LRP12: variants seen among roughly 807,000 people sequenced by gnomAD.
The protein encoded by LRP12 is LDL receptor related protein 12, also known as low-density lipoprotein receptor-related protein 12.
Under a neutral mutation model 66.0 loss-of-function variants are expected in LRP12, and 14 were observed. The observed-to-expected ratio is 0.21, with a 90% confidence interval of 0.14 to 0.33. The LOEUF is 0.33. LRP12 is among the 10% of genes least tolerant of loss of function. The probability of loss-of-function intolerance (pLI) is 1.00; values close to 1 mark genes in which losing one functional copy is unlikely to be tolerated. For missense variants in LRP12, 889 were observed against 1,053.4 expected (o/e 0.84, Z 2.16); for synonymous variants, 357 against 359.1 (o/e 0.99, Z 0.07).
chr8:104,554,882 C>A (rs1811781475), intron 1 of LRP12, among the ~76,000 whole-genome samples: 1 of 152,142 alleles, frequency 6.6e-6, no homozygotes, highest in Non-Finnish European at 1.5e-5. Context: ...GCAAAAGCAT[C>A]AGGTAACCTA....
chr8:104,495,371 A>G (rs2140830091), intron 5 of LRP12, 162 bp from the exon 6 acceptor site: 1 of 649,064 alleles, frequency 1.5e-6, no homozygotes, highest in Non-Finnish European at 2.5e-6. Context: ...TTATCCCTAC[A>G]GTGGGAATAC....
At chr8:104,561,422 C>T (rs1332880629) in intron 1 of LRP12, among the ~76,000 whole-genome samples, 1 of 152,186 alleles carries the variant, frequency 6.6e-6, no homozygotes, top group Non-Finnish European at 1.5e-5. Flanking sequence ...GACCATATGT[C>T]TAATGCTTTC....
intron 1 of LRP12, among the ~76,000 whole-genome samples, chr8:104,538,640 A>C (rs1588496575): frequency 6.6e-6 from 1 of 152,268 alleles, no homozygotes; most frequent in Non-Finnish European, 1.5e-5. Flanking sequence ...GACATCACAC[A>C]TCATGGGCCT....
intron 6 of LRP12, among the ~76,000 whole-genome samples, chr8:104,494,772 C>A (rs1451343077): frequency 8.5e-5 from 13 of 152,092 alleles, no homozygotes; most frequent in African/African-American, 3.1e-4. Flanking sequence ...ATTCTTAAAT[C>A]TTGCAGATGT....
chr8:104,542,806 G>A (rs143470583), intron 1 of LRP12, among the ~76,000 whole-genome samples: 3 of 151,964 alleles, frequency 2.0e-5, no homozygotes, highest in Non-Finnish European at 4.4e-5. Flanking sequence ...AAAATCACAA[G>A]GAATAGAAAA....
Position 104,588,983 on chromosome 8 carries a change from C to CGCCGCCGCA in LRP12, c.-87_-86insTGCGGCGGC. The CGCCGCCGCA allele has an allele frequency of 1.2e-6, 1 of 813,444 alleles. No homozygotes were observed. The highest frequency in any genetic ancestry group is 1.9e-6 in the Non-Finnish European group (1 of 538,262). 50.4% of individuals were successfully genotyped at this position (813,444 alleles called of 1,614,324 possible). A position where few individuals can be genotyped will look rare whatever the true frequency, so the allele number is the denominator to read the frequency against. ...TAGACGACGCCGACGCCGCCGCCGC[C>CGCCGCCGCA]GCCGCCGCCGCCGCCGAGCCACCGG... On this transcript the variant is annotated 5_prime_UTR_variant, in exon 1 of 7. Transcript: ENST00000276654.
chr8:104,526,197 G>GAAATAA (rs1564136002), intron 2 of LRP12, among the ~76,000 whole-genome samples: 22 of 151,708 alleles, frequency 1.5e-4, no homozygotes, highest in African/African-American at 5.1e-4. Flanking sequence ...CAAACAAATG[G>GAAATAA]AAGAACATTC....
In LRP12 at chr8:104,573,699, T is replaced by C. The variant is rs150137804; in HGVS notation, c.79+15120A>G. Among the ~76,000 whole-genome samples the C allele has an allele frequency of 1.2e-3, 179 of 152,000 alleles. 1 individual carries two copies. Among genetic ancestry groups the C allele is most frequent in the African/African-American group, 4.0e-3 (167 of 41,446 alleles). On this transcript the variant is annotated intron_variant, in intron 1 of 6. Coordinates refer to ENST00000276654, the MANE Select transcript of LRP12 (RefSeq NM_013437.5). The stretch of plus-strand genomic sequence containing the variant: ...CTAATCTTAAAAGGCAAAATAATAA[T>C]AACTGGAACACTAGAATCTTTTATA...
intron 1 of LRP12, among the ~76,000 whole-genome samples, chr8:104,541,515 T>C (rs967277897): frequency 5.3e-5 from 8 of 152,216 alleles, no homozygotes; most frequent in Admixed American, 2.6e-4. Context: ...ATATTTTATA[T>C]CACGAACTTC....
chr8:104,587,335 G>A (rs913582261), intron 1 of LRP12, among the ~76,000 whole-genome samples: 5 of 152,102 alleles, frequency 3.3e-5, no homozygotes, highest in African/African-American at 7.2e-5. Context: ...AAGAAACAAC[G>A]TAATAGCTTA....
chr8:104,507,368 T>C (rs1810925354), intron 3 of LRP12: 1 of 152,230 alleles, frequency 6.6e-6, no homozygotes, highest in African/African-American at 2.4e-5. Context: ...ATTTCAGTAT[T>C]GTGCTTGGTT....
At chr8:104,515,080 A>G (rs1162616670) in intron 2 of LRP12, among the ~76,000 whole-genome samples, 1 of 152,206 alleles carries the variant, frequency 6.6e-6, no homozygotes, top group Admixed American at 6.5e-5. Flanking sequence ...CATGGGAAGG[A>G]TAGGGTTGGG....
At chr8:104,529,821 G>A (rs541454283) in intron 2 of LRP12, among the ~76,000 whole-genome samples, 2 of 152,268 alleles carry the variant, frequency 1.3e-5, no homozygotes, top group South Asian at 4.1e-4. Flanking sequence ...TAACCTTAAA[G>A]AAACTACCTC....
intron 1 of LRP12, among the ~76,000 whole-genome samples, chr8:104,587,170 T>G (rs113867628): frequency 4.6e-5 from 7 of 152,330 alleles, no homozygotes; most frequent in African/African-American, 1.4e-4. Flanking sequence ...ATTTATCTAT[T>G]CTGATCGGAC....
chr8:104,490,634 G>A lies in LRP12; in HGVS notation c.*39C>T, dbSNP rs1265345012. ...AGTTACAAAATAATAAATGGATATT[G>A]CTCCAACTTGTATACAATCTCCCTT... On this transcript the variant is annotated 3_prime_UTR_variant, in exon 7 of 7. Transcript: ENST00000276654. The A allele has an allele frequency of 7.2e-6, 11 of 1,535,640 alleles. No individual in the cohort carries two copies. Among genetic ancestry groups the A allele is most frequent in the Non-Finnish European group, 9.6e-6 (11 of 1,144,690 alleles).
chr8:104,496,619 T>C (rs1810731442), intron 5 of LRP12, among the ~76,000 whole-genome samples: 1 of 152,194 alleles, frequency 6.6e-6, no homozygotes, highest in South Asian at 2.1e-4. Flanking sequence ...CCTGTATGCT[T>C]TGAACATAGC....
chr8:104,580,444 G>A (rs927173773), intron 1 of LRP12, among the ~76,000 whole-genome samples: 1 of 151,668 alleles, frequency 6.6e-6, no homozygotes, highest in African/African-American at 2.4e-5. Context: ...GCAGGAGAAT[G>A]GCATGAACCC....
chr8:104,541,953 A>C (rs555739362), intron 1 of LRP12, among the ~76,000 whole-genome samples: 2 of 152,322 alleles, frequency 1.3e-5, no homozygotes, highest in African/African-American at 4.8e-5. Flanking sequence ...TAGCATTGCT[A>C]TGAATATTGG....
chr8:104,573,261 G>A (rs902331588), intron 1 of LRP12, among the ~76,000 whole-genome samples: 1 of 152,136 alleles, frequency 6.6e-6, no homozygotes, highest in Admixed American at 6.5e-5. Flanking sequence ...CTTTATGTCT[G>A]CTACTTTTTG....
Sources: gnomAD v4.1 joint callset for allele counts (sites outside exome capture counted in the v4.1 genomes callset) on GRCh38, gnomAD v4.1.1 for gene constraint, MANE v1.5 for transcripts, NCBI Gene and HGNC (gene_info 2026-07-23, HGNC 2026-07-21) for gene names.